CEP192: variants seen among roughly 807,000 people sequenced by gnomAD.
CEP192 encodes the protein centrosomal protein 192, also known as centrosomal protein of 192 kDa.
Under a neutral mutation model 271.8 loss-of-function variants are expected in CEP192, and 151 were observed. That is an observed-to-expected ratio of 0.56 (90% CI 0.49 to 0.64). The LOEUF is 0.64. Ranked by LOEUF, CEP192 falls within the 30% of genes least tolerant of loss-of-function variation. The pLI is 0.00. For missense variants in CEP192, 2,910 were observed against 3,020.5 expected (o/e 0.96, Z 0.86); for synonymous variants, 995 against 1,076.5 (o/e 0.92, Z 1.48).
intron 42 of CEP192, among the ~76,000 whole-genome samples, chr18:13,115,978 G>C (rs991000883): frequency 6.6e-6 from 1 of 152,214 alleles, no homozygotes; most frequent in African/African-American, 2.4e-5. Context: ...GCAAGAGCCA[G>C]TGCCACCACC....
chr18:13,025,786 C>T (rs917445951), intron 9 of CEP192, among the ~76,000 whole-genome samples: 3 of 152,058 alleles, frequency 2.0e-5, no homozygotes, highest in African/African-American at 4.8e-5. Context: ...TAAATATAAG[C>T]ATATATGTGT....
At chr18:13,084,180 C>T (rs1376961840) in intron 30 of CEP192, among the ~76,000 whole-genome samples, 3 of 152,210 alleles carry the variant, frequency 2.0e-5, no homozygotes, top group Admixed American at 2.0e-4. Context: ...ACGTTTAAGT[C>T]TGGAGAAGTT....
intron 44 of CEP192, among the ~76,000 whole-genome samples, chr18:13,121,492 G>T (rs779006307): frequency 5.9e-5 from 9 of 152,206 alleles, no homozygotes; most frequent in Non-Finnish European, 8.8e-5. Context: ...AGGTACAGGG[G>T]TTTTGCTCAG....
rs372107176 is a variant in CEP192 at position 13,026,128 on chromosome 18, C to T, written c.1051-3535C>T. On this transcript the variant is annotated intron_variant, in intron 9 of 44. Coordinates refer to ENST00000506447, the MANE Select transcript of CEP192 (RefSeq NM_032142.4). ...GTTTGAAGGATAATTTCTTAGGGTA[C>T]AGAATTAGAAATTGATGGTTTCTTT... 2.0e-4 allele frequency among the ~76,000 whole-genome samples: 30 copies of T among 152,292 alleles called. No individual in the cohort carries two copies. The South Asian group carries it at 6.0e-3, about 31-fold the overall frequency.
chr18:13,009,368 C>T (rs1568272864), intron 4 of CEP192, among the ~76,000 whole-genome samples: 1 of 152,212 alleles, frequency 6.6e-6, no homozygotes, highest in Non-Finnish European at 1.5e-5. Context: ...ATTTTTAGTG[C>T]ATCTTCCACT....
chr18:13,057,820 C>T, intron 20 of CEP192, 87 bp downstream of exon 20: 1 of 1,258,588 alleles, frequency 7.9e-7, no homozygotes. Context: ...CTAGGTTCTC[C>T]CTTCACGCCT....
At chr18:13,020,026 G>T (rs567043802) in intron 9 of CEP192, among the ~76,000 whole-genome samples, 1 of 152,086 alleles carries the variant, frequency 6.6e-6, no homozygotes, top group Non-Finnish European at 1.5e-5. Context: ...TGTCAGGCAG[G>T]TCTCAAACTC....
At position 13,057,461 on chromosome 18, in the gene CEP192, G is replaced by A. The variant is rs1337018199; in HGVS notation, c.4109-124G>A. On this transcript the variant is annotated intron_variant, in intron 19 of 44. Coordinates refer to ENST00000506447, the MANE Select transcript of CEP192 (RefSeq NM_032142.4). ...AACATCAAGGACTCCTTCATCTGGA[G>A]CACTTTGACTCTAGCTCTGTGTAAA... 42 of 1,026,784 alleles carry A rather than the reference G, an allele frequency of 4.1e-5. No individual in the cohort carries two copies. In the East Asian group the frequency reaches 1.0e-3, roughly 25 times the overall value. The allele number at this position is 1,026,784 out of a possible 1,614,324, so 63.6% of individuals were successfully genotyped here.
At chr18:13,015,038 G>A (rs930274994) in intron 5 of CEP192, among the ~76,000 whole-genome samples, 5 of 152,108 alleles carry the variant, frequency 3.3e-5, no homozygotes, top group African/African-American at 1.2e-4. Context: ...GTTCAGTTAT[G>A]TATTTGTGTA....
chr18:13,055,700 T>C (rs2144128715), intron 18 of CEP192, 80 bp from the exon 19 acceptor site: 1 of 1,027,982 alleles, frequency 9.7e-7, no homozygotes, highest in East Asian at 2.5e-5. Context: ...TCTTTGTTAC[T>C]TGAGCTTTTG....
chr18:13,046,177 G>C (rs2036469009), intron 15 of CEP192, among the ~76,000 whole-genome samples: 1 of 152,138 alleles, frequency 6.6e-6, no homozygotes. Context: ...AGCGGGAGCA[G>C]GCATGTCACA....
Position 13,092,467 on chromosome 18 carries a change from A to G in CEP192, c.6194A>G (p.Asp2065Gly), listed in dbSNP as rs1165486731. 6 of 1,609,528 alleles carry G rather than the reference A, an allele frequency of 3.7e-6. No homozygotes were observed. The South Asian group carries it at 5.5e-5, about 15-fold the overall frequency. The change falls in exon 34 of 45, where the codon GAT (aspartate) becomes GGT (glycine). Residue 2065 changes from aspartate to glycine, a missense_variant. Coordinates refer to ENST00000506447, the MANE Select transcript of CEP192 (RefSeq NM_032142.4). ...CTTTCAGTAATTGGAGAATTCAGAG[A>G]TTGCATTTCTAGCAGAGAATTCCTT... ...IILSVIGEFR[D>G]CISSREFLQP...
Position 13,071,209 on chromosome 18 carries a change from C to T in CEP192, c.5345C>T (p.Thr1782Ile). The part of the protein sequence containing the change: ...LAWGGVPLGR[T>I]QLQKLALRNN... ...TGGGGAGGAGTCCCTCTAGGTAGAA[C>T]ACAGTAAGTGTCAAAGACTGACAAA... The change falls in exon 28 of 45, where the codon ACA (threonine) becomes ATA (isoleucine). Residue 1782 changes from threonine to isoleucine, a missense_variant. Transcript: ENST00000506447. 1 of 1,612,424 alleles carries T rather than the reference C, an allele frequency of 6.2e-7. No homozygotes were observed. Among genetic ancestry groups the T allele is most frequent in the South Asian group, 1.1e-5 (1 of 90,992 alleles).
chr18:13,005,475 G>A (rs2033924528), intron 3 of CEP192, among the ~76,000 whole-genome samples: 1 of 152,170 alleles, frequency 6.6e-6, no homozygotes, highest in South Asian at 2.1e-4. Flanking sequence ...TGAGGAAACT[G>A]CAAATGTCAG....
chr18:13,084,496 C>G (rs138758363), intron 30 of CEP192, among the ~76,000 whole-genome samples: 3 of 152,172 alleles, frequency 2.0e-5, no homozygotes. Flanking sequence ...AGTATTTGGG[C>G]GGGATTGTCC....
chr18:13,074,418 A>G lies in CEP192; in HGVS notation c.5616+1233A>G, dbSNP rs184478920. Among the ~76,000 whole-genome samples the G allele has an allele frequency of 3.8e-3, 576 of 152,266 alleles. 10 individuals are homozygous for G. Among genetic ancestry groups the G allele is most frequent in the African/African-American group, 0.013 (544 of 41,540 alleles). ...GACGATCTGATTTTGTGTGAGGATA[A>G]TGCTTGGTTTGTGGAGAGGACTAAA... On this transcript the variant is annotated intron_variant, in intron 30 of 44. Transcript: ENST00000506447.
intron 37 of CEP192, among the ~76,000 whole-genome samples, chr18:13,099,816 T>TATAAGTATTATAAGCTATTATA (rs1319564579): frequency 2.6e-5 from 4 of 152,234 alleles, no homozygotes; most frequent in Non-Finnish European, 5.9e-5. Context: ...TACACTGCAT[T>TATAAGTATTATAAGCTATTATA]AGCTATTATA....
chr18:13,098,523 G>A (rs1463665690), intron 36 of CEP192, among the ~76,000 whole-genome samples: 2 of 148,092 alleles, frequency 1.4e-5, no homozygotes, highest in East Asian at 2.0e-4. Context: ...GGGCAGAGGC[G>A]CTCCTCACAT....
chr18:13,081,758 C>T (rs1411602973), intron 30 of CEP192, among the ~76,000 whole-genome samples: 1 of 151,812 alleles, frequency 6.6e-6, no homozygotes, highest in Non-Finnish European at 1.5e-5. Flanking sequence ...ATAAATTTCC[C>T]TCTACACACT....
Sources: gnomAD v4.1 joint callset for allele counts (sites outside exome capture counted in the v4.1 genomes callset) on GRCh38, gnomAD v4.1.1 for gene constraint, MANE v1.5 for transcripts, NCBI Gene and HGNC (gene_info 2026-07-23, HGNC 2026-07-21) for gene names.